Variants in MIOS observed in about 807,000 individuals in gnomAD.
MIOS encodes the protein GATOR2 complex protein MIOS.
In MIOS, 52 loss-of-function variants were observed where a neutral mutation model predicts 96.9. The observed-to-expected ratio is 0.54, with a 90% CI of 0.43 to 0.68. The LOEUF (loss-of-function observed/expected upper bound fraction) is 0.68, where lower values mean the gene tolerates loss of function less well. Ranked by LOEUF, MIOS falls within the 30% of genes least tolerant of loss-of-function variation. The pLI, the probability that MIOS is intolerant of heterozygous loss-of-function variation, is 0.00. For missense variants in MIOS, 1,005 were observed against 1,052.8 expected, an observed-to-expected ratio of 0.95 and a Z score of 0.63; for synonymous variants, 397 against 359.5, an observed-to-expected ratio of 1.10 and a Z score of -1.18.
intron 3 of MIOS, among the ~76,000 whole-genome samples, chr7:7,571,541 A>T (rs1783354757): frequency 6.6e-6 from 1 of 152,228 alleles, no homozygotes. Context: ...CATGGACCTT[A>T]TGAAGAGATT....
At chr7:7,598,427 G>C (rs2086540394) in intron 11 of MIOS, among the ~76,000 whole-genome samples, 2 of 152,052 alleles carry the variant, frequency 1.3e-5, no homozygotes, top group South Asian at 2.1e-4. Context: ...AAGAAATGAA[G>C]AGAATATGTA....
Position 7,596,480 on chromosome 7 carries a change from A to C in MIOS, c.2401+19A>C. Reference sequence around the variant, plus strand: ...TGTCCTGGTATGACATAATTTTACAAAATACTTTTATGAACTGAAATGATT... The same window carrying C: ...TGTCCTGGTATGACATAATTTTACACAATACTTTTATGAACTGAAATGATT... On this transcript the variant is annotated intron_variant, in intron 11 of 12. Transcript: ENST00000340080. The C allele has an allele frequency of 6.3e-7, 1 of 1,594,152 alleles. No individual in the cohort carries two copies.
chr7:7,577,696 G>C (rs1344590501), intron 5 of MIOS, among the ~76,000 whole-genome samples: 1 of 152,146 alleles, frequency 6.6e-6, no homozygotes, highest in Non-Finnish European at 1.5e-5. Context: ...GAGGAAAGGG[G>C]GAAAGGATGC....
At position 7,607,983 on chromosome 7, in the gene MIOS, G is replaced by T. The variant is rs1290510332; in HGVS notation, c.*891G>T. The T allele has an allele frequency of 2.0e-5, 3 of 152,056 alleles. No homozygotes were observed. The highest frequency in any genetic ancestry group is 7.2e-5 in the African/African-American group (3 of 41,400). The allele number at this position is 152,056 out of a possible 1,614,324, so 9.4% of individuals were successfully genotyped here. The stretch of plus-strand genomic sequence containing the variant: ...AAGATTATATGTAACTAGCCATTTA[G>T]TATAATCTATGTCAGTGTTTCTGTG... On this transcript the variant is annotated 3_prime_UTR_variant, in exon 13 of 13. Transcript: ENST00000340080.
Position 7,583,152 on chromosome 7 carries a change from G to T in MIOS, c.1428G>T (p.Gly476=). 2.5e-6 allele frequency: 4 copies of T among 1,614,058 alleles called. No individual in the cohort carries two copies. The highest frequency in any genetic ancestry group is 2.2e-5 in the South Asian group (2 of 91,062). The change falls in exon 6 of 13, where the codon GGG becomes GGT. Residue 476 remains glycine (G), a synonymous_variant. Coordinates refer to ENST00000340080, the MANE Select transcript of MIOS (RefSeq NM_019005.4). ...MVESSRHNWS[G]LDKQSDIQNL... is the part of the protein sequence containing the mutation. ...AAAGCAGCAGACATAATTGGAGTGG[G>T]TTGGATAAGCAAAGTGATATTCAAA...
chr7:7,598,662 T>G lies in MIOS; in HGVS notation c.2401+2201T>G, dbSNP rs532879365. Among the ~76,000 whole-genome samples, 483 of 151,618 alleles carry G rather than the reference T, an allele frequency of 3.2e-3. 5 individuals are homozygous for G. The highest frequency in any genetic ancestry group is 0.011 in the African/African-American group (463 of 40,952). On this transcript the variant is annotated intron_variant, in intron 11 of 12. Coordinates refer to ENST00000340080, the MANE Select transcript of MIOS (RefSeq NM_019005.4). The stretch of plus-strand genomic sequence containing the variant: ...AGAAATAATTAAATGTAACACATCT[T>G]TTGGACCATAAGCCTCAGGAAGCTA...
At chr7:7,578,351 G>T (rs1171759540) in intron 5 of MIOS, among the ~76,000 whole-genome samples, 1 of 152,096 alleles carries the variant, frequency 6.6e-6, no homozygotes, top group African/African-American at 2.4e-5. Context: ...ATATTGGCCT[G>T]CTTTAATCCA....
intron 5 of MIOS, among the ~76,000 whole-genome samples, chr7:7,577,363 T>C (rs1310220880): frequency 6.6e-6 from 1 of 152,176 alleles, no homozygotes; most frequent in East Asian, 1.9e-4. Context: ...TGCAGTTATA[T>C]TAGAAATTCA....
Position 7,572,392 on chromosome 7 carries a change from A to C in MIOS, c.-40-44A>C. On this transcript the variant is annotated intron_variant, in intron 3 of 12. Coordinates refer to ENST00000340080, the MANE Select transcript of MIOS (RefSeq NM_019005.4). This position sits in a 1 kb window ranked among gnomAD's most constrained non-coding sequence, Gnocchi z 4.8. Reference sequence around the variant, plus strand: ...ATAGTTTATTCAACGTAAGAATTATATTTTGCTGATATTTTAAAACTTTTT... The same window carrying C: ...ATAGTTTATTCAACGTAAGAATTATCTTTTGCTGATATTTTAAAACTTTTT... 1 of 995,694 alleles carries C rather than the reference A, an allele frequency of 1.0e-6. No homozygotes were observed. The highest frequency in any genetic ancestry group is 1.5e-6 in the Non-Finnish European group (1 of 688,560). 61.7% of individuals were successfully genotyped at this position (995,694 alleles called of 1,614,324 possible). A position where few individuals can be genotyped will look rare whatever the true frequency, so the allele number is the denominator to read the frequency against.
At chr7:7,597,468 TTATATATATATATA>T (rs1160646084) in intron 11 of MIOS, among the ~76,000 whole-genome samples, 4 of 11,696 alleles carry the variant, frequency 3.4e-4, no homozygotes, top group African/African-American at 1.4e-3. Context: ...CCTAGTAAAT[TTATATATATATATA>T]TATATATATA....
At chr7:7,594,364 C>T (rs537097284) in intron 9 of MIOS, among the ~76,000 whole-genome samples, 17 of 151,238 alleles carry the variant, frequency 1.1e-4, no homozygotes, top group African/African-American at 2.9e-4. Context: ...TACAGTGCAA[C>T]GGCACAATCT....
At chr7:7,600,801 G>A (rs1237301938) in intron 11 of MIOS, among the ~76,000 whole-genome samples, 2 of 152,082 alleles carry the variant, frequency 1.3e-5, no homozygotes, top group Non-Finnish European at 2.9e-5. Flanking sequence ...TTCCAAAATT[G>A]ACCACATAGT....
At chr7:7,576,980 T>C (rs1583628176) in intron 5 of MIOS, among the ~76,000 whole-genome samples, 1 of 152,186 alleles carries the variant, frequency 6.6e-6, no homozygotes, top group East Asian at 1.9e-4. Context: ...TATTTGGGTT[T>C]ATTTTGGAGC....
chr7:7,589,484 C>T lies in MIOS; in HGVS notation c.1964C>T (p.Thr655Ile). ...NLEGILLTGL[T>I]KDGVDLMESY... ...GAAGGAATTTTGCTTACAGGCCTTA[C>T]TAAAGATGGAGTGGACTTAATGGAG... Residue 655 changes from threonine to isoleucine, a missense_variant, in exon 9 of 13, where the codon ACT (threonine) becomes ATT (isoleucine). Physicochemically the swap from Thr to Ile is moderately conservative, Grantham distance 89 (BLOSUM62 -1). Coordinates refer to ENST00000340080, the MANE Select transcript of MIOS (RefSeq NM_019005.4). 2 of 1,613,656 alleles carry T rather than the reference C, an allele frequency of 1.2e-6. No homozygotes were observed. Among genetic ancestry groups the T allele is most frequent in the Non-Finnish European group, 8.5e-7 (1 of 1,179,766 alleles).
chr7:7,606,350 G>A (rs1784531010), intron 12 of MIOS, among the ~76,000 whole-genome samples: 1 of 152,184 alleles, frequency 6.6e-6, no homozygotes, highest in South Asian at 2.1e-4. Context: ...GAGAGGATAT[G>A]TTTACAGTTT....
At position 7,607,080 on chromosome 7, in the gene MIOS, T is replaced by C; in HGVS notation, c.2616T>C (p.Thr872=). Residue 872 remains threonine (T), a synonymous_variant, in exon 13 of 13, where the codon ACT becomes ACC. Coordinates refer to ENST00000340080, the MANE Select transcript of MIOS (RefSeq NM_019005.4). ...DTTGNLVPAE[T]VQP The stretch of plus-strand genomic sequence containing the variant: ...CAGGGAATCTGGTACCTGCAGAGAC[T>C]GTCCAGCCATAAAATGTTACCACCT... The C allele has an allele frequency of 6.2e-7, 1 of 1,610,618 alleles. No homozygotes were observed.
rs781255191 is a variant in MIOS at position 7,596,310 on chromosome 7, T to C, written c.2250T>C (p.Ala750=). ...AGTCAATCTCCTACAGCTGTTCAGC[T>C]GTGCCTCATCAGGGCAGAGGTTTTA... The part of the protein sequence containing the change: ...CGKSISYSCS[A]VPHQGRGFSQ... Residue 750 remains alanine, a synonymous_variant, in exon 11 of 13, where the codon GCT becomes GCC. Coordinates refer to ENST00000340080, the MANE Select transcript of MIOS (RefSeq NM_019005.4). 6.2e-7 allele frequency: 1 copy of C among 1,614,182 alleles called. No individual in the cohort carries two copies. Among genetic ancestry groups the C allele is most frequent in the Non-Finnish European group, 8.5e-7 (1 of 1,180,024 alleles).
At chr7:7,586,988 C>T (rs1299152776) in intron 7 of MIOS, among the ~76,000 whole-genome samples, 2 of 123,048 alleles carry the variant, frequency 1.6e-5, no homozygotes, top group African/African-American at 6.0e-5. Context: ...TTTTCTTTCC[C>T]TTTTTTTTTT....
chr7:7,598,010 T>A (rs181712349), intron 11 of MIOS, among the ~76,000 whole-genome samples: 1 of 152,242 alleles, frequency 6.6e-6, no homozygotes, highest in East Asian at 1.9e-4. Context: ...TTTTATTCTT[T>A]ATAGTAAACA....
Sources: allele counts gnomAD v4.1 joint callset (sites outside exome capture counted in the v4.1 genomes callset), GRCh38; gene constraint gnomAD v4.1.1; non-coding constraint Gnocchi (gnomAD v3.1); transcripts MANE v1.5; gene names NCBI Gene and HGNC (gene_info 2026-07-23, HGNC 2026-07-21).